The following ZNF443 variants were observed in gnomAD, a reference collection of about 807,000 sequenced individuals.
ZNF443 encodes Kruppel-type zinc finger (C2H2).
Under a neutral mutation model 12.0 loss-of-function variants are expected in ZNF443, and 3 were observed. The ratio of observed to expected loss-of-function variants is 0.25; its 90% CI spans 0.11 to 0.64. ZNF443 has a LOEUF of 0.64. Among genes scored for constraint, ZNF443 ranks in the 30% least tolerant of loss-of-function variants. The probability of loss-of-function intolerance (pLI) is 0.84; values close to 1 mark genes in which losing one functional copy is unlikely to be tolerated. For missense variants in ZNF443, 770 were observed against 808.8 expected (o/e 0.95, Z 0.58); for synonymous variants, 225 against 265.9 (o/e 0.85, Z 1.50).
At position 12,431,155 on chromosome 19, in the gene ZNF443, AC is replaced by A. The variant is rs1431983638; in HGVS notation, c.1016del (p.Cys339PhefsTer18). On this transcript the variant is annotated frameshift_variant, in exon 4 of 4. Transcript: ENST00000301547. LOFTEE classifies it low-confidence loss of function (END_TRUNC). ...GATGAAACGCTTTCCCACATTGCTG[AC>A]ATGCATAGGGTTTCTCTGCACTGTG... ...TTHSAEKPYA[C>X]QQCGKAFHHL... 2.5e-6 allele frequency: 4 copies of A among 1,613,848 alleles called. No individual in the cohort carries two copies. The highest frequency in any genetic ancestry group is 1.7e-5 in the Admixed American group (1 of 60,004).
chr19:12,441,005 G>A lies in ZNF443; in HGVS notation c.-91C>T. ...GACAAAGGCTGCCTCAGAACTTCCA[G>A]GTCGTCTCTCAGCTACAGAACCCAG... On this transcript the variant is annotated 5_prime_UTR_variant, in exon 1 of 4. Coordinates refer to ENST00000301547, the MANE Select transcript of ZNF443 (RefSeq NM_005815.5). 1 of 1,608,772 alleles carries A rather than the reference G, an allele frequency of 6.2e-7. No individual in the cohort carries two copies.
Position 12,429,726 on chromosome 19 carries a change from C to A in ZNF443, c.*430G>T. ...ATAGGTGAGAGTTGAAACAAAGAAA[C>A]TTTAATGTTCTGGCTGACTACACTA... On this transcript the variant is annotated 3_prime_UTR_variant, in exon 4 of 4. Transcript: ENST00000301547. 1.0e-5 allele frequency: 2 copies of A among 199,802 alleles called. No individual in the cohort carries two copies. The highest frequency in any genetic ancestry group is 1.0e-5 in the Non-Finnish European group (1 of 97,492). 12.4% of individuals were successfully genotyped at this position (199,802 alleles called of 1,614,324 possible). A position where few individuals can be genotyped will look rare whatever the true frequency, so the allele number is the denominator to read the frequency against.
chr19:12,429,939 C>A lies in ZNF443; in HGVS notation c.*217G>T, dbSNP rs926259835. 70 of 722,550 alleles carry A rather than the reference C, an allele frequency of 9.7e-5. 1 individual carries two copies. The highest frequency in any genetic ancestry group is 1.5e-4 in the Non-Finnish European group (65 of 443,468). 44.8% of individuals were successfully genotyped at this position (722,550 alleles called of 1,614,324 possible). ...GTGGGTAAGTTACATACAAACATGT[C>A]ATTTTATAAAAGGGACTGGACATGG... On this transcript the variant is annotated 3_prime_UTR_variant, in exon 4 of 4. Transcript: ENST00000301547.
intron 1 of ZNF443, among the ~76,000 whole-genome samples, chr19:12,437,318 G>A (rs1166606524): frequency 6.6e-6 from 1 of 151,762 alleles, no homozygotes; most frequent in Non-Finnish European, 1.5e-5. Flanking sequence ...CAAGTAGGGA[G>A]GATCTCCTGA....
At chr19:12,438,266 G>A (rs1340962229) in intron 1 of ZNF443, among the ~76,000 whole-genome samples, 1 of 152,190 alleles carries the variant, frequency 6.6e-6, no homozygotes, top group African/African-American at 2.4e-5. Flanking sequence ...CAGTGTCTAT[G>A]TCTACGGGTG....
chr19:12,438,023 C>A (rs1418324471), intron 1 of ZNF443, among the ~76,000 whole-genome samples: 1 of 151,298 alleles, frequency 6.6e-6, no homozygotes, highest in African/African-American at 2.4e-5. Flanking sequence ...ATCGCTTGAA[C>A]GCAGGAGGCG....
chr19:12,440,507 CG>C (rs1970354179), intron 1 of ZNF443, among the ~76,000 whole-genome samples: 2 of 152,176 alleles, frequency 1.3e-5, no homozygotes, highest in Non-Finnish European at 2.9e-5. Context: ...CAGCCGCCCC[CG>C]TCCAGACCCC....
rs371046449 is a variant in ZNF443, at chr19:12,440,954, C to G, written c.-40G>C. The G allele has an allele frequency of 1.3e-4, 214 of 1,613,894 alleles. 1 individual carries two copies. Among genetic ancestry groups the G allele is most frequent in the Non-Finnish European group, 1.8e-4 (211 of 1,179,936 alleles). Reference sequence around the variant, plus strand: ...GGTGTCCCAGGTCCTACCGACAGCTCCCGCTGCCAATGCGTGTTCCAGCCA... The same window carrying G: ...GGTGTCCCAGGTCCTACCGACAGCTGCCGCTGCCAATGCGTGTTCCAGCCA... On this transcript the variant is annotated 5_prime_UTR_variant, in exon 1 of 4. Coordinates refer to ENST00000301547, the MANE Select transcript of ZNF443 (RefSeq NM_005815.5).
Position 12,430,433 on chromosome 19 carries a change from C to T in ZNF443, c.1739G>A (p.Arg580Lys). 6.4e-7 allele frequency: 1 copy of T among 1,573,884 alleles called. No homozygotes were observed. The highest frequency in any genetic ancestry group is 8.6e-7 in the Non-Finnish European group (1 of 1,159,212). ...SWLTCFLRHE[R>K]IHMREKSYEC... Reference sequence around the variant, plus strand: ...ATAGGATTTCTCTCTCATGTGAATTCTTTCATGTCGTAGAAAGCAAGTGAG... The same window carrying T: ...ATAGGATTTCTCTCTCATGTGAATTTTTTCATGTCGTAGAAAGCAAGTGAG... The change falls in exon 4 of 4, where the codon AGA (arginine) becomes AAA (lysine). Residue 580 changes from arginine to lysine, a missense_variant. Transcript: ENST00000301547.
At chr19:12,434,288 T>G (rs961345052) in intron 1 of ZNF443, among the ~76,000 whole-genome samples, 6 of 152,210 alleles carry the variant, frequency 3.9e-5, no homozygotes, top group African/African-American at 1.4e-4. Context: ...TTGGGGGATT[T>G]AGCCCATCCT....
chr19:12,430,935 T>C lies in ZNF443; in HGVS notation c.1237A>G (p.Ile413Val), dbSNP rs1407054319. ...TGAGGTCCATCTCCAGTGTGCATTA[T>C]CATATGACTTCGAAAGCTTGAGCGA... is the stretch of plus-strand genomic sequence containing the variant. ...SHRSSFRSHM[I>V]MHTGDGPHKC... is the part of the protein sequence containing the mutation. The change falls in exon 4 of 4, where the codon ATA (isoleucine) becomes GTA (valine). Residue 413 changes from isoleucine (I) to valine (V), a missense_variant. By Grantham distance (29) the Ile-to-Val change is conservative. This residue lies in a region of ZNF443 where 736 missense variants were observed against 689.4 expected (regional missense o/e 1.07). Transcript: ENST00000301547. 3.1e-6 allele frequency: 5 copies of C among 1,614,006 alleles called. No individual in the cohort carries two copies. The highest frequency in any genetic ancestry group is 4.2e-6 in the Non-Finnish European group (5 of 1,179,996).
intron 2 of ZNF443, 105 bp downstream of exon 2, chr19:12,432,966 G>A (rs1970273272): frequency 6.4e-7 from 1 of 1,571,888 alleles, no homozygotes; most frequent in African/African-American, 1.4e-5. Context: ...TTTTTTTCCA[G>A]GGCCAACCAT....
At chr19:12,434,833 C>A (rs1202222544) in intron 1 of ZNF443, among the ~76,000 whole-genome samples, 1 of 152,038 alleles carries the variant, frequency 6.6e-6, no homozygotes, top group African/African-American at 2.4e-5. Flanking sequence ...GCCCGAGTTC[C>A]CAGTATAGAA....
rs746148997 is a variant in ZNF443, at chr19:12,431,494, T to C, written c.678A>G (p.Glu226=). The C allele has an allele frequency of 2.5e-6, 4 of 1,614,054 alleles. No individual in the cohort carries two copies. Among genetic ancestry groups the C allele is most frequent in the Admixed American group, 3.3e-5 (2 of 60,002 alleles). ...AAAAGGCTTTAGAACACTGCTTACA[T>C]TCATATGGTTTCTCTCCAGTGTGCG... ...ERTHTGEKPY[E]CKQCSKAFSF... is the part of the protein sequence containing the mutation. The change falls in exon 4 of 4, where the codon GAA becomes GAG. Residue 226 remains glutamate (E), a synonymous_variant. Transcript: ENST00000301547.
intron 1 of ZNF443, among the ~76,000 whole-genome samples, chr19:12,440,331 G>A (rs1236364117): frequency 5.7e-4 from 87 of 152,286 alleles, no homozygotes; most frequent in Non-Finnish European, 1.1e-3. Flanking sequence ...ATCTCCGAGT[G>A]CTGCTCAAGA....
chr19:12,438,391 T>C (rs1436719235), intron 1 of ZNF443, among the ~76,000 whole-genome samples: 5 of 152,336 alleles, frequency 3.3e-5, no homozygotes, highest in East Asian at 3.9e-4. Flanking sequence ...GTAAGTGATA[T>C]AGTAAAAAAT....
rs764236722 is a variant in ZNF443, at chr19:12,431,072, C to A, written c.1100G>T (p.Cys367Phe). The A allele has an allele frequency of 1.9e-5, 30 of 1,613,944 alleles. No homozygotes were observed. Among genetic ancestry groups the A allele is most frequent in the Non-Finnish European group, 2.5e-5 (29 of 1,179,982 alleles). Residue 367 changes from cysteine to phenylalanine, a missense_variant, in exon 4 of 4, where the codon TGT (cysteine) becomes TTT (phenylalanine). Coordinates refer to ENST00000301547, the MANE Select transcript of ZNF443 (RefSeq NM_005815.5). ...ATCAAAGCCTTTCCCACATATCTTACATTTATGAGGTCCATTTCCAGTGTG... is the reference window on the plus strand; with the variant it reads ...ATCAAAGCCTTTCCCACATATCTTAAATTTATGAGGTCCATTTCCAGTGTG... ...IRHTGNGPHK[C>F]KICGKGFDCP...
intron 1 of ZNF443, among the ~76,000 whole-genome samples, chr19:12,439,731 A>G (rs1970346105): frequency 6.6e-6 from 1 of 152,110 alleles, no homozygotes; most frequent in Non-Finnish European, 1.5e-5. Context: ...GGGATCAAGC[A>G]ATACCTCTGC....
At chr19:12,432,585 C>G (rs1424779732) in intron 2 of ZNF443, 148 bp from the exon 3 acceptor site, 1 of 509,002 alleles carries the variant, frequency 2.0e-6, no homozygotes, top group Non-Finnish European at 3.4e-6. Context: ...TGCACAAGTC[C>G]ATTTGTATAT....
Sources: allele counts gnomAD v4.1 joint callset (sites outside exome capture counted in the v4.1 genomes callset), GRCh38; gene constraint gnomAD v4.1.1; regional missense constraint gnomAD v4.1.1; transcripts MANE v1.5; gene names NCBI Gene and HGNC (gene_info 2026-07-23, HGNC 2026-07-21).